Variants in PDE4D observed in about 807,000 individuals in gnomAD.
The protein encoded by PDE4D is phosphodiesterase 4D.
In PDE4D, 24 loss-of-function variants were observed where a neutral mutation model predicts 87.4. The observed-to-expected ratio is 0.27, with a 90% CI of 0.20 to 0.39. The LOEUF (loss-of-function observed/expected upper bound fraction) is 0.39. PDE4D is among the 10% of genes least tolerant of loss of function. PDE4D has a pLI of 1.00. For synonymous variants in PDE4D, 384 were observed against 383.2 expected (o/e 1.00, Z -0.02); for missense variants, 714 against 1,041.0 (o/e 0.69, Z 4.32).
chr5:59,480,829 A>T (rs1804124757), intron 1 of PDE4D, among the ~76,000 whole-genome samples: 1 of 152,104 alleles, frequency 6.6e-6, no homozygotes, highest in African/African-American at 2.4e-5. Flanking sequence ...CCTTTGTGTC[A>T]TTTACTTTAT....
intron 1 of PDE4D, among the ~76,000 whole-genome samples, chr5:59,867,048 T>C (rs1360307255): frequency 6.6e-6 from 1 of 152,154 alleles, no homozygotes; most frequent in Non-Finnish European, 1.5e-5. Flanking sequence ...TTGAAGATAA[T>C]TTGCAAACTG....
At chr5:59,331,523 T>C (rs985704600) in intron 1 of PDE4D, among the ~76,000 whole-genome samples, 4 of 152,214 alleles carry the variant, frequency 2.6e-5, no homozygotes, top group African/African-American at 9.6e-5. Context: ...TCTGAGGTCC[T>C]AGGTTAGGAC....
At chr5:59,620,204 G>T (rs1407978289) in intron 1 of PDE4D, among the ~76,000 whole-genome samples, 1 of 152,156 alleles carries the variant, frequency 6.6e-6, no homozygotes, top group East Asian at 1.9e-4. Context: ...TGGCAGTATT[G>T]AGGCTCCATC....
intron 1 of PDE4D, among the ~76,000 whole-genome samples, chr5:59,738,816 C>T (rs2150656448): frequency 6.6e-6 from 1 of 151,806 alleles, no homozygotes; most frequent in South Asian, 2.1e-4. Context: ...AAACACTACG[C>T]ATACTTCTTA....
At chr5:60,043,133 A>T (rs1249695358) in intron 2 of PDE4D, among the ~76,000 whole-genome samples, 1 of 151,952 alleles carries the variant, frequency 6.6e-6, no homozygotes, top group Non-Finnish European at 1.5e-5. Flanking sequence ...ACCCAGCACA[A>T]GAACTTCCTG....
At chr5:60,322,437 C>T (rs1756394313) in intron 1 of PDE4D, among the ~76,000 whole-genome samples, 1 of 150,238 alleles carries the variant, frequency 6.7e-6, no homozygotes, top group Non-Finnish European at 1.5e-5. Flanking sequence ...ATATTTCAAA[C>T]TTTTTCAGCT....
At chr5:60,129,213 G>A (rs1779369496) in intron 2 of PDE4D, among the ~76,000 whole-genome samples, 1 of 152,212 alleles carries the variant, frequency 6.6e-6, no homozygotes, top group South Asian at 2.1e-4. Context: ...GTGCTCATAT[G>A]ACAGCTTGGC....
Position 59,300,975 on chromosome 5 carries a change from G to C in PDE4D, c.456-85007C>G, listed in dbSNP as rs112498346. On this transcript the variant is annotated intron_variant, in intron 1 of 14. Transcript: ENST00000340635. ...TATAAAGGATATTGCAAATGTTACC[G>C]ATTAAGAGATGCATATAGGGTGAGG... Among the ~76,000 whole-genome samples, 49 of 152,206 alleles carry C rather than the reference G, an allele frequency of 3.2e-4. 3 individuals carry two copies. The highest frequency in any genetic ancestry group is 1.2e-3 in the African/African-American group (49 of 41,530).
At chr5:59,783,493 A>G (rs777939948) in intron 1 of PDE4D, among the ~76,000 whole-genome samples, 1 of 152,220 alleles carries the variant, frequency 6.6e-6, no homozygotes, top group Admixed American at 6.5e-5. Context: ...AAGTAATGGT[A>G]GGTAATAATT....
At chr5:59,507,679 A>AAAAAAAAAAAAAAAAAGAAAAG (rs61334148) in intron 1 of PDE4D, among the ~76,000 whole-genome samples, 2 of 118,710 alleles carry the variant, frequency 1.7e-5, no homozygotes, top group African/African-American at 7.0e-5. Context: ...AAAAAAAAAA[A>AAAAAAAAAAAAAAAAAGAAAAG]AAAAGAAAAG....
intron 1 of PDE4D, among the ~76,000 whole-genome samples, chr5:60,493,730 A>C (rs1257196656): frequency 1.3e-5 from 2 of 152,162 alleles, no homozygotes; most frequent in Non-Finnish European, 2.9e-5. Flanking sequence ...GCTCACACAC[A>C]GAGCCATGTT....
chr5:59,988,629 C>A (rs774486077), exon 3 of PDE4D: 2 of 1,598,974 alleles, frequency 1.3e-6, no homozygotes, highest in South Asian at 1.1e-5. Flanking sequence ...CTGAATATTG[C>A]GACATGAAAG....
intron 1 of PDE4D, among the ~76,000 whole-genome samples, chr5:60,284,507 A>G (rs990270246): frequency 2.6e-5 from 4 of 152,180 alleles, no homozygotes; most frequent in African/African-American, 9.7e-5. Context: ...AATGCATTAT[A>G]TGAAAAAGAA....
chr5:59,278,849 A>C (rs1486419495), intron 1 of PDE4D, among the ~76,000 whole-genome samples: 1 of 152,150 alleles, frequency 6.6e-6, no homozygotes, highest in Non-Finnish European at 1.5e-5. Flanking sequence ...GGCAACACTT[A>C]CATGGAAAGC....
At chr5:60,204,243 T>G (rs1482865681) in intron 1 of PDE4D, among the ~76,000 whole-genome samples, 1 of 152,176 alleles carries the variant, frequency 6.6e-6, no homozygotes, top group Non-Finnish European at 1.5e-5. Flanking sequence ...CTATCTAATC[T>G]ATATCTCTCT....
At chr5:60,318,183 A>T (rs1442916602) in intron 1 of PDE4D, among the ~76,000 whole-genome samples, 1 of 152,200 alleles carries the variant, frequency 6.6e-6, no homozygotes, top group Non-Finnish European at 1.5e-5. Context: ...TTAGGTGCAT[A>T]TATATTTAGG....
chr5:59,668,845 G>GGAAGAGGAAGAAGAAGAAGAAGAA, intron 1 of PDE4D, among the ~76,000 whole-genome samples: 1 of 62,124 alleles, frequency 1.6e-5, no homozygotes, highest in East Asian at 4.9e-4. Flanking sequence ...AAGAGGAAGA[G>GGAAGAGGAAGAAGAAGAAGAAGAA]GAAGAAGAAG....
intron 5 of PDE4D, among the ~76,000 whole-genome samples, chr5:59,096,751 T>A (rs756239183): frequency 1.3e-4 from 20 of 152,172 alleles, no homozygotes; most frequent in Non-Finnish European, 2.9e-4. Context: ...AGAGTTCAGA[T>A]ACAGGACCCA....
At chr5:59,019,771 G>C (rs1754727218) in intron 6 of PDE4D, among the ~76,000 whole-genome samples, 1 of 150,420 alleles carries the variant, frequency 6.6e-6, no homozygotes, top group African/African-American at 2.4e-5. Context: ...TCCTCTACAG[G>C]ACAGGAACAT....
Sources: allele counts gnomAD v4.1 joint callset (sites outside exome capture counted in the v4.1 genomes callset), GRCh38; gene constraint gnomAD v4.1.1; transcripts MANE v1.5; gene names NCBI Gene and HGNC (gene_info 2026-07-23, HGNC 2026-07-21).